The following PTPRT variants were observed in gnomAD, a reference collection of about 807,000 sequenced individuals.
The protein encoded by PTPRT is protein tyrosine phosphatase receptor type T, also known as receptor-type tyrosine-protein phosphatase T.
Under a neutral mutation model 176.8 loss-of-function variants are expected in PTPRT, and 56 were observed. The ratio of observed to expected loss-of-function variants is 0.32; its 90% CI spans 0.26 to 0.40. The LOEUF is 0.40. Ranked by LOEUF, PTPRT falls within the 10% of genes least tolerant of loss-of-function variation. The probability of loss-of-function intolerance (pLI) is 1.00; values close to 1 mark genes in which losing one functional copy is unlikely to be tolerated. For missense variants in PTPRT, 1,540 were observed against 1,908.2 expected (o/e 0.81, Z 3.60); for synonymous variants, 783 against 739.0 (o/e 1.06, Z -0.96).
At chr20:43,083,335 T>TATATATATATATATATAC in intron 1 of PTPRT, among the ~76,000 whole-genome samples, 1 of 106,808 alleles carries the variant, frequency 9.4e-6, no homozygotes, top group African/African-American at 3.7e-5. Context: ...TATATATATA[T>TATATATATATATATATAC]ATATATATAT....
intron 13 of PTPRT, among the ~76,000 whole-genome samples, chr20:42,262,515 G>T (rs147466329): frequency 2.0e-5 from 3 of 152,228 alleles, no homozygotes; most frequent in Non-Finnish European, 4.4e-5. Context: ...AGCTTGGCAG[G>T]TGAGTCTGCA....
intron 17 of PTPRT, among the ~76,000 whole-genome samples, chr20:42,153,641 C>A (rs1343273407): frequency 6.6e-6 from 1 of 152,196 alleles, no homozygotes; most frequent in Non-Finnish European, 1.5e-5. Context: ...GAGGGTACCT[C>A]TATTCCTCCC....
rs140680830 is a variant in PTPRT at position 43,096,834 on chromosome 20, C to T, written c.88+92812G>A. On this transcript the variant is annotated intron_variant, in intron 1 of 30. Transcript: ENST00000373187. ...CCTCTGGGATGTGGGTGGCAGGCTG[C>T]CAGCTGAGGAGGTTGGAGGCCCCAG... Among the ~76,000 whole-genome samples the T allele has an allele frequency of 8.2e-3, 1,245 of 152,266 alleles. 5 individuals are homozygous for T. Among genetic ancestry groups the T allele is most frequent in the Middle Eastern group, 0.014 (4 of 294 alleles).
intron 1 of PTPRT, among the ~76,000 whole-genome samples, chr20:42,984,311 C>T (rs994693946): frequency 1.3e-5 from 2 of 152,174 alleles, no homozygotes; most frequent in Non-Finnish European, 2.9e-5. Context: ...AATTGACAGA[C>T]CATATAAAGA....
At chr20:42,697,299 C>T (rs2075896029) in intron 6 of PTPRT, among the ~76,000 whole-genome samples, 1 of 152,180 alleles carries the variant, frequency 6.6e-6, no homozygotes, top group Admixed American at 6.5e-5. Context: ...TATTGAAGGA[C>T]ACTGTCAAAG....
intron 1 of PTPRT, among the ~76,000 whole-genome samples, chr20:42,896,061 G>A (rs1157231431): frequency 6.6e-6 from 1 of 152,128 alleles, no homozygotes; most frequent in East Asian, 1.9e-4. Flanking sequence ...ATTGAGTAAA[G>A]AACACTAGCT....
intron 7 of PTPRT, among the ~76,000 whole-genome samples, chr20:42,553,119 A>C (rs1440357941): frequency 6.6e-6 from 1 of 152,160 alleles, no homozygotes; most frequent in Admixed American, 6.5e-5. Context: ...ACTTGCAATG[A>C]CGCATGTACA....
intron 2 of PTPRT, among the ~76,000 whole-genome samples, chr20:42,833,786 T>C (rs1312192468): frequency 6.6e-6 from 1 of 151,968 alleles, no homozygotes; most frequent in Admixed American, 6.6e-5. Context: ...TTTCAACAAA[T>C]AGTACCAGAA....
chr20:42,263,398 T>TTTTTTTG (rs2056785693), intron 13 of PTPRT, among the ~76,000 whole-genome samples: 1 of 123,720 alleles, frequency 8.1e-6, no homozygotes, highest in Non-Finnish European at 1.8e-5. Context: ...TTTTTTTTTT[T>TTTTTTTG]GAGACGGAGT....
intron 6 of PTPRT, among the ~76,000 whole-genome samples, chr20:42,693,008 G>T (rs559791887): frequency 6.6e-6 from 1 of 152,268 alleles, no homozygotes; most frequent in East Asian, 1.9e-4. Flanking sequence ...GAAAGACATT[G>T]AGCTATCCAC....
chr20:42,099,546 C>CGGGGG (rs59137378), intron 26 of PTPRT, among the ~76,000 whole-genome samples: 34 of 28,876 alleles, frequency 1.2e-3, no homozygotes, highest in African/African-American at 2.5e-3. Flanking sequence ...ATGGCCTGGG[C>CGGGGG]GGGGGGGGGG....
chr20:42,796,571 G>A (rs531138526), intron 2 of PTPRT, among the ~76,000 whole-genome samples: 11 of 152,312 alleles, frequency 7.2e-5, no homozygotes, highest in Middle Eastern at 3.4e-3. Context: ...CAACTCTGCC[G>A]TTCCTTGCCC....
intron 1 of PTPRT, among the ~76,000 whole-genome samples, chr20:42,915,766 T>C (rs1978700327): frequency 6.6e-6 from 1 of 151,934 alleles, no homozygotes; most frequent in Non-Finnish European, 1.5e-5. Context: ...TAATTTTTTG[T>C]ATTTTTTTTT....
At chr20:42,886,014 T>C (rs1043960457) in intron 1 of PTPRT, 82 bp from the exon 2 acceptor site, 3 of 1,211,628 alleles carry the variant, frequency 2.5e-6, no homozygotes, top group Non-Finnish European at 3.3e-6. Context: ...GCTCTTCATT[T>C]ACAGCTTTGA....
chr20:42,645,418 T>C (rs1272723098), intron 7 of PTPRT, among the ~76,000 whole-genome samples: 2 of 152,166 alleles, frequency 1.3e-5, no homozygotes, highest in African/African-American at 4.8e-5. Context: ...TGAACCACAG[T>C]TGGCCACAAT....
chr20:42,106,300 T>G (rs1283155934), intron 24 of PTPRT, among the ~76,000 whole-genome samples: 1 of 152,176 alleles, frequency 6.6e-6, no homozygotes, highest in Non-Finnish European at 1.5e-5. Flanking sequence ...TGCTTCTCCC[T>G]TGAGGGCAGA....
chr20:42,865,767 T>A (rs142428992), intron 2 of PTPRT, among the ~76,000 whole-genome samples: 1 of 152,046 alleles, frequency 6.6e-6, no homozygotes, highest in Non-Finnish European at 1.5e-5. Context: ...CAAAGAGGTG[T>A]CCCAGGGTGC....
intron 7 of PTPRT, among the ~76,000 whole-genome samples, chr20:42,483,199 T>C (rs2071414178): frequency 6.6e-6 from 1 of 152,164 alleles, no homozygotes; most frequent in Non-Finnish European, 1.5e-5. Flanking sequence ...ACAGTCTCGC[T>C]CTGTCACCCA....
At chr20:42,367,654 G>T (rs2058533213) in intron 9 of PTPRT, among the ~76,000 whole-genome samples, 1 of 152,204 alleles carries the variant, frequency 6.6e-6, no homozygotes, top group South Asian at 2.1e-4. Flanking sequence ...GCATGAGCAG[G>T]TGATGCAGGG....
Sources: gnomAD v4.1 joint callset for allele counts (sites outside exome capture counted in the v4.1 genomes callset) on GRCh38, gnomAD v4.1.1 for gene constraint, MANE v1.5 for transcripts, NCBI Gene and HGNC (gene_info 2026-07-23, HGNC 2026-07-21) for gene names.